The following IL1RAPL2 variants were observed in gnomAD, a reference collection of about 807,000 sequenced individuals.
IL1RAPL2 encodes the protein X-linked interleukin-1 receptor accessory protein-like 2.
In IL1RAPL2, 3 loss-of-function variants were observed where a neutral mutation model predicts 44.1. That is an observed-to-expected ratio of 0.07 (90% CI 0.03 to 0.18). IL1RAPL2 has a LOEUF of 0.18. Ranked by LOEUF, IL1RAPL2 falls within the 10% of genes least tolerant of loss-of-function variation. The probability of loss-of-function intolerance (pLI) is 1.00; values close to 1 mark genes in which losing one functional copy is unlikely to be tolerated. For synonymous variants in IL1RAPL2, 181 were observed against 178.8 expected (o/e 1.01, Z -0.10); for missense variants, 391 against 496.4 (o/e 0.79, Z 2.02).
chrX:105,664,973 CTT>C (rs1160835437), intron 6 of IL1RAPL2, among the ~76,000 whole-genome samples: 4 of 112,112 alleles, frequency 3.6e-5, no homozygotes, highest in Non-Finnish European at 7.5e-5. Context: ...CAAGATTTCT[CTT>C]TCTTATGATT....
At chrX:104,946,373 C>A (rs1375483229) in intron 2 of IL1RAPL2, among the ~76,000 whole-genome samples, 2 of 2,163 alleles carry the variant, frequency 9.2e-4, no homozygotes, top group Non-Finnish European at 0.014. Flanking sequence ...GAGCAAGACT[C>A]CGTCTCAAAA....
At chrX:105,452,037 G>A (rs1004267407) in intron 5 of IL1RAPL2, among the ~76,000 whole-genome samples, 1 of 110,920 alleles carries the variant, frequency 9.0e-6, no homozygotes, top group African/African-American at 3.3e-5. Flanking sequence ...ATTTCCAATT[G>A]TACCTCTTTC....
At chrX:104,809,559 C>G (rs1415385470) in intron 2 of IL1RAPL2, among the ~76,000 whole-genome samples, 1 of 110,031 alleles carries the variant, frequency 9.1e-6, no homozygotes, top group Non-Finnish European at 1.9e-5. Context: ...CCTTCACCCA[C>G]TTTTTGATGG....
intron 5 of IL1RAPL2, among the ~76,000 whole-genome samples, chrX:105,438,064 C>T (rs2035894104): frequency 9.0e-6 from 1 of 111,587 alleles, no homozygotes; most frequent in African/African-American, 3.3e-5. Context: ...CCCATTTCAT[C>T]AAAATAAAAT....
chrX:104,897,278 G>C lies in IL1RAPL2; in HGVS notation c.82+238283G>C, dbSNP rs73531309. Among the ~76,000 whole-genome samples the C allele has an allele frequency of 1.5e-3, 171 of 111,994 alleles. 1 individual carries two copies. Among genetic ancestry groups the C allele is most frequent in the African/African-American group, 5.2e-3 (161 of 30,849 alleles). On this transcript the variant is annotated intron_variant, in intron 2 of 10. Transcript: ENST00000372582. ...CATGCTCCTGGAGCCTAAAATAGGA[G>C]GAATGGCTGGGGAATAGCTGGACAT... is the stretch of plus-strand genomic sequence containing the variant.
At chrX:105,736,113 A>C (rs978907389) in intron 7 of IL1RAPL2, among the ~76,000 whole-genome samples, 1 of 111,709 alleles carries the variant, frequency 9.0e-6, no homozygotes, top group African/African-American at 3.2e-5. Context: ...GACAAAAGCA[A>C]GCAATGAGGA....
At chrX:104,889,629 A>G (rs905003305) in intron 2 of IL1RAPL2, among the ~76,000 whole-genome samples, 1 of 111,222 alleles carries the variant, frequency 9.0e-6, no homozygotes, top group African/African-American at 3.3e-5. Context: ...GTCTGTCAGC[A>G]CAGAGCCATA....
chrX:105,378,317 T>A (rs753981418), intron 5 of IL1RAPL2, among the ~76,000 whole-genome samples: 6 of 111,901 alleles, frequency 5.4e-5, no homozygotes, highest in Non-Finnish European at 7.5e-5. Context: ...GAGACATAGA[T>A]CACCATTTTC....
At chrX:105,159,990 C>CA (rs1000973249) in intron 2 of IL1RAPL2, among the ~76,000 whole-genome samples, 3 of 99,096 alleles carry the variant, frequency 3.0e-5, no homozygotes, top group African/African-American at 1.1e-4. Flanking sequence ...GAACCCCCCC[C>CA]CCCACTCCAC....
At chrX:104,988,716 C>A (rs901334150) in intron 2 of IL1RAPL2, among the ~76,000 whole-genome samples, 1 of 112,015 alleles carries the variant, frequency 8.9e-6, no homozygotes, top group Non-Finnish European at 1.9e-5. Context: ...TATTAAAATG[C>A]TTTTTAAGAT....
chrX:105,508,842 C>T (rs1270564850), intron 6 of IL1RAPL2, among the ~76,000 whole-genome samples: 1 of 111,076 alleles, frequency 9.0e-6, no homozygotes, highest in Non-Finnish European at 1.9e-5. Flanking sequence ...CACAGTAAAA[C>T]CACAGAAAAA....
intron 5 of IL1RAPL2, among the ~76,000 whole-genome samples, chrX:105,410,373 G>A: frequency 9.1e-6 from 1 of 110,241 alleles, no homozygotes; most frequent in Middle Eastern, 4.6e-3. Context: ...AAGAGAAAGA[G>A]AGCATTTAAA....
intron 3 of IL1RAPL2, chrX:105,218,874 A>C (rs1556171509): frequency 8.1e-4 from 504 of 625,626 alleles, no homozygotes; most frequent in South Asian, 1.2e-3. Context: ...TTCCCCTACC[A>C]CCCCGGCCCC....
At chrX:105,647,876 A>G (rs950398862) in intron 6 of IL1RAPL2, among the ~76,000 whole-genome samples, 2 of 111,389 alleles carry the variant, frequency 1.8e-5, no homozygotes, top group African/African-American at 3.3e-5. Flanking sequence ...TCTTGCCATG[A>G]CATCTGCTTG....
chrX:105,592,026 C>T (rs748450088), intron 6 of IL1RAPL2, among the ~76,000 whole-genome samples: 2 of 111,138 alleles, frequency 1.8e-5, no homozygotes, highest in Non-Finnish European at 3.8e-5. Flanking sequence ...TTGAAGTCTC[C>T]CACTGTTATT....
chrX:104,901,700 G>C lies in IL1RAPL2; in HGVS notation c.82+242705G>C, dbSNP rs73531312. 2.9e-3 allele frequency among the ~76,000 whole-genome samples: 323 copies of C among 111,278 alleles called. 2 individuals carry two copies. The highest frequency in any genetic ancestry group is 0.01 in the African/African-American group (307 of 30,604). On this transcript the variant is annotated intron_variant, in intron 2 of 10. Coordinates refer to ENST00000372582, the MANE Select transcript of IL1RAPL2 (RefSeq NM_017416.2). ...AGAGGGGGGACATTGAAACAAGAAA[G>C]ACCTGGTTTCAAATTCCTGCCCTGC...
intron 2 of IL1RAPL2, among the ~76,000 whole-genome samples, chrX:104,985,975 C>T (rs1473960231): frequency 8.9e-6 from 1 of 112,067 alleles, no homozygotes; most frequent in African/African-American, 3.2e-5. Flanking sequence ...CAAGCCAATA[C>T]ATCAATTTCA....
chrX:105,537,578 G>A (rs1291598079), intron 6 of IL1RAPL2, among the ~76,000 whole-genome samples: 1 of 111,844 alleles, frequency 8.9e-6, no homozygotes, highest in Admixed American at 9.5e-5. Context: ...ATGTTTAGAA[G>A]TATGAACATT....
chrX:105,253,168 G>C (rs1240414077), intron 4 of IL1RAPL2, among the ~76,000 whole-genome samples: 1 of 111,376 alleles, frequency 9.0e-6, no homozygotes, highest in Admixed American at 9.6e-5. Flanking sequence ...ATTTCTTCTT[G>C]TTCTAGTATT....
Sources: allele counts gnomAD v4.1 joint callset (sites outside exome capture counted in the v4.1 genomes callset), GRCh38; gene constraint gnomAD v4.1.1; transcripts MANE v1.5; gene names NCBI Gene and HGNC (gene_info 2026-07-23, HGNC 2026-07-21).